ARHGEF18: variants seen among roughly 807,000 people sequenced by gnomAD.
ARHGEF18 encodes Rho/Rac guanine nucleotide exchange factor 18, also known as rho guanine nucleotide exchange factor 18.
In ARHGEF18, 93 loss-of-function variants were observed where a neutral mutation model predicts 155.7. That is an observed-to-expected ratio of 0.60 (90% CI 0.50 to 0.71). The LOEUF (loss-of-function observed/expected upper bound fraction) is 0.71. Among genes scored for constraint, ARHGEF18 ranks in the 30% least tolerant of loss-of-function variants. The probability of loss-of-function intolerance (pLI) is 0.00; values close to 1 mark genes in which losing one functional copy is unlikely to be tolerated. For missense variants in ARHGEF18, 1,593 were observed against 1,816.1 expected, an observed-to-expected ratio of 0.88 and a Z score of 2.23; for synonymous variants, 742 against 753.1, an observed-to-expected ratio of 0.99 and a Z score of 0.24.
chr19:7,409,684 G>A (rs572247110), intron 10 of ARHGEF18, among the ~76,000 whole-genome samples: 1 of 151,814 alleles, frequency 6.6e-6, no homozygotes, highest in Non-Finnish European at 1.5e-5. Context: ...CTTGAGCCAA[G>A]GCCCACCTCG....
intron 10 of ARHGEF18, among the ~76,000 whole-genome samples, chr19:7,417,328 T>C (rs889707287): frequency 1.3e-5 from 2 of 152,102 alleles, no homozygotes; most frequent in African/African-American, 4.8e-5. Context: ...GGAGGAGGAC[T>C]GCTTGAGGCC....
At chr19:7,439,746 A>C (rs1285928754) in intron 10 of ARHGEF18, 4 of 1,373,104 alleles carry the variant, frequency 2.9e-6, no homozygotes, top group South Asian at 1.8e-5. Context: ...GATCTAGATT[A>C]ATTATCATCA....
chr19:7,436,380 A>G (rs1388346563), intron 10 of ARHGEF18, among the ~76,000 whole-genome samples: 1 of 151,844 alleles, frequency 6.6e-6, no homozygotes, highest in Non-Finnish European at 1.5e-5. Flanking sequence ...AGGCTCCAGC[A>G]ATTCTCCTGC....
At chr19:7,477,552 G>T in the ARHGEF18 span, 2 of 878,462 alleles carry the variant, frequency 2.3e-6, no homozygotes, top group Non-Finnish European at 3.2e-6. Flanking sequence ...AGTGGGAGGA[G>T]CTGGCAGGAC....
intron 10 of ARHGEF18, among the ~76,000 whole-genome samples, chr19:7,413,618 T>C (rs914525349): frequency 6.6e-6 from 1 of 152,078 alleles, no homozygotes; most frequent in Non-Finnish European, 1.5e-5. Flanking sequence ...CTTTTTTAAT[T>C]AGCCATGGTG....
intron 10 of ARHGEF18, among the ~76,000 whole-genome samples, chr19:7,391,404 G>A (rs970928838): frequency 2.0e-5 from 3 of 152,078 alleles, no homozygotes; most frequent in South Asian, 2.1e-4. Flanking sequence ...CAGACACCAC[G>A]CCAGACAGTC....
chr19:7,416,846 G>A (rs531767062), intron 10 of ARHGEF18, among the ~76,000 whole-genome samples: 298 of 151,880 alleles, frequency 2.0e-3, no homozygotes, highest in Middle Eastern at 3.4e-3. Flanking sequence ...CTCATGATCC[G>A]CTCGCCTCAG....
chr19:7,381,199 T>C (rs186060772), intron 8 of ARHGEF18, among the ~76,000 whole-genome samples: 29 of 151,862 alleles, frequency 1.9e-4, no homozygotes, highest in Admixed American at 1.4e-3. Flanking sequence ...GAGGTGACGA[T>C]GTAAGCAGGG....
chr19:7,440,079 G>C lies in ARHGEF18; in HGVS notation c.968-265G>C, dbSNP rs1049072316. The C allele has an allele frequency of 7.1e-6, 11 of 1,550,320 alleles. No individual in the cohort carries two copies. The highest frequency in any genetic ancestry group is 2.0e-5 in the Admixed American group (1 of 50,932). Reference sequence around the variant, plus strand: ...CGCAGCCCAGCCTGGCGCCGCGCCGGGTCCCGGAGCCCCGGGCGCGAACAT... The same window carrying C: ...CGCAGCCCAGCCTGGCGCCGCGCCGCGTCCCGGAGCCCCGGGCGCGAACAT... On this transcript the variant is annotated intron_variant, in intron 10 of 28. Transcript: ENST00000668164. The surrounding 1 kb of genome is among the most constrained non-coding windows in gnomAD (Gnocchi z 5.4).
intron 1 of ARHGEF18, among the ~76,000 whole-genome samples, chr19:7,353,203 G>A (rs1969199346): frequency 6.6e-6 from 1 of 151,650 alleles, no homozygotes; most frequent in Non-Finnish European, 1.5e-5. Context: ...TCCAAGCAAG[G>A]GTGGTTTTTC....
intron 17 of ARHGEF18, among the ~76,000 whole-genome samples, chr19:7,455,354 C>T (rs561581741): frequency 6.6e-6 from 1 of 152,206 alleles, no homozygotes; most frequent in Non-Finnish European, 1.5e-5. Flanking sequence ...AGCCAGCAGG[C>T]TGCAGTGTGA....
intron 14 of ARHGEF18, 91 bp from the exon 15 acceptor site, chr19:7,446,952 T>A: frequency 2.2e-6 from 3 of 1,370,086 alleles, no homozygotes; most frequent in Non-Finnish European, 3.0e-6. Flanking sequence ...ATAAATCTAA[T>A]ATTTATTTTA....
At chr19:7,355,451 G>T (rs1255233630) in intron 1 of ARHGEF18, among the ~76,000 whole-genome samples, 5 of 152,212 alleles carry the variant, frequency 3.3e-5, no homozygotes, top group African/African-American at 1.2e-4. Flanking sequence ...CAAACCAGGG[G>T]TCCCTGGGCC....
Position 7,423,516 on chromosome 19 carries a change from A to G in ARHGEF18, c.968-16828A>G, listed in dbSNP as rs141932656. ...GGAGTTTGAGACCAGCCTGGCCAAC[A>G]TAGTGAAAATCCTTCTCTACTACAA... On this transcript the variant is annotated intron_variant, in intron 10 of 28. Transcript: ENST00000668164. Among the ~76,000 whole-genome samples, 1,002 of 152,166 alleles carry G rather than the reference A, an allele frequency of 6.6e-3. 3 individuals carry two copies. Among genetic ancestry groups the G allele is most frequent in the Non-Finnish European group, 9.7e-3 (662 of 68,016 alleles).
intron 19 of ARHGEF18, among the ~76,000 whole-genome samples, chr19:7,459,042 C>G (rs1246868846): frequency 6.6e-6 from 1 of 152,118 alleles, no homozygotes; most frequent in South Asian, 2.1e-4. Context: ...TCCCCTCCCT[C>G]TCTTTATTTT....
Position 7,471,767 on chromosome 19 carries a change from G to A in ARHGEF18, c.*1469G>A, listed in dbSNP as rs1977034104. ...ACTGGGTGCTGTGGGCTCAGGAGGG[G>A]GCGGGGCAGGAGCTGGTGCCAACCG... On this transcript the variant is annotated 3_prime_UTR_variant, in exon 29 of 29. Transcript: ENST00000668164. The surrounding 1 kb of genome is among the most constrained non-coding windows in gnomAD (Gnocchi z 4.4). The A allele has an allele frequency of 6.6e-6, 1 of 152,220 alleles. No individual in the cohort carries two copies. The highest frequency in any genetic ancestry group is 6.5e-5 in the Admixed American group (1 of 15,282). 9.4% of individuals were successfully genotyped at this position (152,220 alleles called of 1,614,324 possible). A position where few individuals can be genotyped will look rare whatever the true frequency, so the allele number is the denominator to read the frequency against.
intron 10 of ARHGEF18, among the ~76,000 whole-genome samples, chr19:7,397,097 G>GA (rs35973104): frequency 0.08 from 4,969 of 62,080 alleles, 157 homozygotes; most frequent in Non-Finnish European, 0.093. Flanking sequence ...GCCTTTTTGC[G>GA]AAAAAAAAAA....
At position 7,456,394 on chromosome 19, in the gene ARHGEF18, T is replaced by A; in HGVS notation, c.2172T>A (p.Phe724Leu). Residue 724 changes from phenylalanine to leucine, a missense_variant, in exon 18 of 29, where the codon TTT becomes TTA. Physicochemically the swap from Phe to Leu is conservative, Grantham distance 22. Coordinates refer to ENST00000668164, the MANE Select transcript of ARHGEF18 (RefSeq NM_001367823.1). ...LLQEKDQKYV[F>L]ASVDSKPPVI... ...AAGAAAAAGATCAGAAATACGTCTT[T>A]GCTTCTGTGGTATGTATCCTGTCTC... 3 of 1,614,070 alleles carry A rather than the reference T, an allele frequency of 1.9e-6. No individual in the cohort carries two copies. The highest frequency in any genetic ancestry group is 2.5e-6 in the Non-Finnish European group (3 of 1,179,934).
Position 7,463,814 on chromosome 19 carries a change from A to G in ARHGEF18, c.2636-4A>G, listed in dbSNP as rs375960588. 2 of 1,603,658 alleles carry G rather than the reference A, an allele frequency of 1.2e-6. No individual in the cohort carries two copies. Among genetic ancestry groups the G allele is most frequent in the Non-Finnish European group, 1.7e-6 (2 of 1,175,704 alleles). On this transcript the variant is annotated splice_region_variant and splice_polypyrimidine_tract_variant and intron_variant, in intron 21 of 28. Transcript: ENST00000668164. The surrounding 1 kb of genome is among the most constrained non-coding windows in gnomAD (Gnocchi z 5.2). ...CCGTGCCTCCTGTCCCCTTCCTTCC[A>G]CAGTCGAGGGCATCCAGAGCCTGAT...
Sources: allele counts gnomAD v4.1 joint callset (sites outside exome capture counted in the v4.1 genomes callset), GRCh38; gene constraint gnomAD v4.1.1; non-coding constraint Gnocchi (gnomAD v3.1); transcripts MANE v1.5; gene names NCBI Gene and HGNC (gene_info 2026-07-23, HGNC 2026-07-21).